Variants in PLEKHH1 observed in about 807,000 individuals in gnomAD.
PLEKHH1 encodes the protein pleckstrin homology, MyTH4 and FERM domain containing H1, also known as pleckstrin homology domain-containing family H member 1.
A neutral mutation model predicts 160.0 loss-of-function variants in PLEKHH1; 104 were observed. That is an observed-to-expected ratio of 0.65 (90% CI 0.55 to 0.76). PLEKHH1 has a LOEUF of 0.76. Ranked by LOEUF, PLEKHH1 falls within the 30% of genes least tolerant of loss-of-function variation. The probability of loss-of-function intolerance (pLI) is 0.00; values close to 1 mark genes in which losing one functional copy is unlikely to be tolerated. For missense variants in PLEKHH1, 1,427 were observed against 1,724.1 expected (o/e 0.83, Z 3.05); for synonymous variants, 619 against 678.4 (o/e 0.91, Z 1.36).
intron 5 of PLEKHH1, among the ~76,000 whole-genome samples, 196 bp downstream of exon 5, chr14:67,559,887 T>C (rs1334254980): frequency 6.6e-6 from 1 of 152,220 alleles, no homozygotes; most frequent in Admixed American, 6.5e-5. Context: ...TGGGTCTCCC[T>C]GGAGCTCCTG....
Position 67,562,612 on chromosome 14 carries a change from G to C in PLEKHH1, c.981G>C (p.Leu327Phe), listed in dbSNP as rs374027673. Residue 327 changes from leucine to phenylalanine, a missense_variant, in exon 7 of 29, where the codon TTG becomes TTC. Physicochemically the swap from Leu to Phe is conservative, Grantham distance 22. Around this residue, in one of 6 missense-constraint regions of PLEKHH1, gnomAD observed 831 missense variants for 929.2 expected, o/e 0.89. Coordinates refer to ENST00000329153, the MANE Select transcript of PLEKHH1 (RefSeq NM_020715.3). ...GCACCCCGCGGGACAGCATCCAGTTGGCCAAAAGGCACCACAGCCAGCCCC... is the reference window on the plus strand; with the variant it reads ...GCACCCCGCGGGACAGCATCCAGTTCGCCAAAAGGCACCACAGCCAGCCCC... ...APGTPRDSIQ[L>F]AKRHHSQPQV... The C allele has an allele frequency of 7.4e-6, 12 of 1,612,822 alleles. No individual in the cohort carries two copies. The African/African-American group carries it at 1.3e-4, about 18-fold the overall frequency.
rs2035482618 is a variant in PLEKHH1, at chr14:67,573,506, G to T, written c.1839+120G>T. On this transcript the variant is annotated intron_variant, in intron 12 of 28. Transcript: ENST00000329153. This position sits in a 1 kb window ranked among gnomAD's most constrained non-coding sequence, Gnocchi z 4.8. ...AGGCCAGAGGGCAAAGGTCTGGCAG[G>T]TGGGGAGAGGCAACCTCACTGGGCC... 5 of 708,880 alleles carry T rather than the reference G, an allele frequency of 7.1e-6. 1 individual carries two copies. Among genetic ancestry groups the T allele is most frequent in the Non-Finnish European group, 9.5e-6 (4 of 418,884 alleles). The allele number at this position is 708,880 out of a possible 1,614,324, so 43.9% of individuals were successfully genotyped here. A position where few individuals can be genotyped will look rare whatever the true frequency, so the allele number is the denominator to read the frequency against.
At chr14:67,579,502 G>T in intron 21 of PLEKHH1, 191 bp downstream of exon 21, 1 of 646,780 alleles carries the variant, frequency 1.5e-6, no homozygotes, top group Non-Finnish European at 2.6e-6. Context: ...AAAGATTGTT[G>T]GTAAAGGAGG....
In PLEKHH1 at chr14:67,578,585, T is replaced by C. The variant is rs2035739659; in HGVS notation, c.2803T>C (p.Phe935Leu). 1 of 1,612,258 alleles carries C rather than the reference T, an allele frequency of 6.2e-7. No homozygotes were observed. Among genetic ancestry groups the C allele is most frequent in the African/African-American group, 1.3e-5 (1 of 75,018 alleles). Residue 935 changes from phenylalanine (F) to leucine (L), a missense_variant, in exon 20 of 29, where the codon TTC (phenylalanine) becomes CTC (leucine). Coordinates refer to ENST00000329153, the MANE Select transcript of PLEKHH1 (RefSeq NM_020715.3). This position sits in a 1 kb window ranked among gnomAD's most constrained non-coding sequence, Gnocchi z 5.0. Reference sequence around the variant, plus strand: ...TCCACTTTTCCTGCCTCAGCATCACTTCCTCTGGTATGTCAAGCAGCAGCT... The same window carrying C: ...TCCACTTTTCCTGCCTCAGCATCACCTCCTCTGGTATGTCAAGCAGCAGCT... ...CAPLFLPQHH[F>L]LWYVKQQLQR...
chr14:67,544,896 G>T (rs1165235448), intron 2 of PLEKHH1, among the ~76,000 whole-genome samples: 1 of 152,198 alleles, frequency 6.6e-6, no homozygotes, highest in African/African-American at 2.4e-5. Flanking sequence ...TATCTATCAA[G>T]TAAGATTCCA....
chr14:67,543,038 T>G (rs1740186008), intron 2 of PLEKHH1, among the ~76,000 whole-genome samples: 2 of 152,212 alleles, frequency 1.3e-5, no homozygotes, highest in African/African-American at 4.8e-5. Flanking sequence ...CTGCTAACTT[T>G]CAGAGGCATT....
In PLEKHH1 at chr14:67,573,211, C is replaced by T; in HGVS notation, c.1729-65C>T. ...AGTGAGGCAGCTGGACCACTTGGACCTGTGTGATGTCTAGGAGCCCTGAGT... is the reference window on the plus strand; with the variant it reads ...AGTGAGGCAGCTGGACCACTTGGACTTGTGTGATGTCTAGGAGCCCTGAGT... On this transcript the variant is annotated intron_variant, in intron 11 of 28. Coordinates refer to ENST00000329153, the MANE Select transcript of PLEKHH1 (RefSeq NM_020715.3). The surrounding 1 kb of genome is among the most constrained non-coding windows in gnomAD (Gnocchi z 4.8). 1 of 985,612 alleles carries T rather than the reference C, an allele frequency of 1.0e-6. No homozygotes were observed. The highest frequency in any genetic ancestry group is 1.6e-6 in the Non-Finnish European group (1 of 619,326). 61.1% of individuals were successfully genotyped at this position (985,612 alleles called of 1,614,324 possible). A position where few individuals can be genotyped will look rare whatever the true frequency, so the allele number is the denominator to read the frequency against.
At chr14:67,547,910 G>A (rs2034243766) in intron 2 of PLEKHH1, among the ~76,000 whole-genome samples, 1 of 152,200 alleles carries the variant, frequency 6.6e-6, no homozygotes, top group Non-Finnish European at 1.5e-5. Context: ...GGAGAGTTGA[G>A]ACTGTGCCTT....
chr14:67,537,912 AGCAG>A (rs2033804420), intron 1 of PLEKHH1, among the ~76,000 whole-genome samples: 1 of 152,176 alleles, frequency 6.6e-6, no homozygotes, highest in South Asian at 2.1e-4. Flanking sequence ...GGGATGCCAA[AGCAG>A]GTATCAAGAC....
At chr14:67,536,274 G>A (rs953299412) in intron 1 of PLEKHH1, among the ~76,000 whole-genome samples, 2 of 151,766 alleles carry the variant, frequency 1.3e-5, no homozygotes, top group African/African-American at 2.4e-5. Context: ...GAGATCAGAG[G>A]AAGTTGTCCC....
chr14:67,552,050 CAAGG>C (rs1382644426), intron 2 of PLEKHH1, among the ~76,000 whole-genome samples: 5 of 152,164 alleles, frequency 3.3e-5, no homozygotes, highest in African/African-American at 1.2e-4. Flanking sequence ...CAGCGTGTGA[CAAGG>C]AGCTGTACAC....
intron 9 of PLEKHH1, chr14:67,570,248 T>A (rs1402055578): frequency 2.9e-6 from 2 of 701,428 alleles, no homozygotes; most frequent in African/African-American, 3.9e-5. Context: ...GTTAAGCCTA[T>A]GCCCGCTTTA....
chr14:67,574,946 C>T lies in PLEKHH1; in HGVS notation c.2089-446C>T, dbSNP rs887087974. On this transcript the variant is annotated intron_variant, in intron 14 of 28. Transcript: ENST00000329153. The surrounding 1 kb of genome is among the most constrained non-coding windows in gnomAD (Gnocchi z 4.2). ...TCAGCAAGCTCAGGGCTGGCAGGCT[C>T]GCTGTGTGGCTCTGCTTCTCGTTCA... is the stretch of plus-strand genomic sequence containing the variant. Among the ~76,000 whole-genome samples the T allele has an allele frequency of 1.3e-5, 2 of 152,202 alleles. No homozygotes were observed. Among genetic ancestry groups the T allele is most frequent in the Non-Finnish European group, 2.9e-5 (2 of 68,028 alleles).
chr14:67,587,369 C>T lies in PLEKHH1; in HGVS notation c.*134C>T. 9.8e-7 allele frequency: 1 copy of T among 1,019,786 alleles called. No individual in the cohort carries two copies. The highest frequency in any genetic ancestry group is 1.5e-6 in the Non-Finnish European group (1 of 657,470). The allele number at this position is 1,019,786 out of a possible 1,614,324, so 63.2% of individuals were successfully genotyped here. ...TGTTCTGTGAAATGTGTATTTTAGT[C>T]TCTGTGAAGCCTTTACTCTCTAGGT... is the stretch of plus-strand genomic sequence containing the variant. On this transcript the variant is annotated 3_prime_UTR_variant, in exon 29 of 29. Transcript: ENST00000329153.
In PLEKHH1 at chr14:67,587,323, C is replaced by G. The variant is rs1354940311; in HGVS notation, c.*88C>G. 5 of 1,426,932 alleles carry G rather than the reference C, an allele frequency of 3.5e-6. No individual in the cohort carries two copies. The highest frequency in any genetic ancestry group is 5.0e-6 in the Non-Finnish European group (5 of 1,009,636). The allele number at this position is 1,426,932 out of a possible 1,614,324, so 88.4% of individuals were successfully genotyped here. A position where few individuals can be genotyped will look rare whatever the true frequency, so the allele number is the denominator to read the frequency against. On this transcript the variant is annotated 3_prime_UTR_variant, in exon 29 of 29. Transcript: ENST00000329153. ...AGGGTATGATACTACTGTGACGGGT[C>G]TAACAGCCCCCGGCTACTCTTGTTC... is the stretch of plus-strand genomic sequence containing the variant.
intron 21 of PLEKHH1, 72 bp from the exon 22 acceptor site, chr14:67,579,649 G>T: frequency 6.8e-7 from 1 of 1,464,594 alleles, no homozygotes; most frequent in Non-Finnish European, 9.3e-7. Context: ...GCTGTATCCA[G>T]ACACCTCCAC....
chr14:67,549,279 T>C (rs956754954), intron 2 of PLEKHH1, among the ~76,000 whole-genome samples: 2 of 151,600 alleles, frequency 1.3e-5, no homozygotes, highest in Non-Finnish European at 2.9e-5. Context: ...TTTAATTTTT[T>C]TTTTTTTTTG....
In PLEKHH1 at chr14:67,572,199, G is replaced by A; in HGVS notation, c.1650G>A (p.Leu550=). The A allele has an allele frequency of 6.2e-7, 1 of 1,609,060 alleles. No homozygotes were observed. The highest frequency in any genetic ancestry group is 8.5e-7 in the Non-Finnish European group (1 of 1,177,934). ...DYAIPPDACS[L]DSDYSEPEHK... Reference sequence around the variant, plus strand: ...CCATCCCCCCGGACGCCTGCTCACTGGACAGTGACTACTCAGAGCCTGAGC... The same window carrying A: ...CCATCCCCCCGGACGCCTGCTCACTAGACAGTGACTACTCAGAGCCTGAGC... The change falls in exon 11 of 29, where the codon CTG becomes CTA. Residue 550 remains leucine (L), a synonymous_variant. Coordinates refer to ENST00000329153, the MANE Select transcript of PLEKHH1 (RefSeq NM_020715.3).
In PLEKHH1 at chr14:67,578,032, C is replaced by T. The variant is rs763418851; in HGVS notation, c.2584C>T (p.Leu862Phe). 10 of 1,613,458 alleles carry T rather than the reference C, an allele frequency of 6.2e-6. No individual in the cohort carries two copies. In the South Asian group the frequency reaches 1.1e-4, roughly 18 times the overall value. Residue 862 changes from leucine to phenylalanine, a missense_variant, in exon 19 of 29, where the codon CTC becomes TTC. This residue lies in a region of PLEKHH1 where 436 missense variants were observed against 607.5 expected (regional missense o/e 0.72). Transcript: ENST00000329153. This position sits in a 1 kb window ranked among gnomAD's most constrained non-coding sequence, Gnocchi z 5.0. ...TGCTGTTCCCTCCCAGTCCTGCCAGCTCTTCATCAACGTGCCGGTGGAAGC... is the reference window on the plus strand; with the variant it reads ...TGCTGTTCCCTCCCAGTCCTGCCAGTTCTTCATCAACGTGCCGGTGGAAGC... ...EALKLFKSCQ[L>F]FINVPVEAAS...
Sources: gnomAD v4.1 joint callset for allele counts (sites outside exome capture counted in the v4.1 genomes callset) on GRCh38, gnomAD v4.1.1 for gene constraint, gnomAD v4.1.1 regional missense constraint, Gnocchi (gnomAD v3.1) non-coding constraint, MANE v1.5 for transcripts, NCBI Gene and HGNC (gene_info 2026-07-23, HGNC 2026-07-21) for gene names.